The following GPD2 variants were observed in gnomAD, a reference collection of about 807,000 sequenced individuals.
GPD2 encodes the protein glycerol-3-phosphate dehydrogenase 2.
A neutral mutation model predicts 82.4 loss-of-function variants in GPD2; 54 were observed. The ratio of observed to expected loss-of-function variants is 0.66; its 90% confidence interval spans 0.53 to 0.82. The LOEUF is 0.82. Among genes scored for constraint, GPD2 ranks in the 40% least tolerant of loss-of-function variants. The probability of loss-of-function intolerance (pLI) is 0.00; values close to 1 mark genes in which losing one functional copy is unlikely to be tolerated. For missense variants in GPD2, 748 were observed against 896.2 expected (o/e 0.83, Z 2.11); for synonymous variants, 288 against 306.1 (o/e 0.94, Z 0.62).
At chr2:156,517,299 G>T (rs1157968361) in intron 6 of GPD2, among the ~76,000 whole-genome samples, 1 of 152,114 alleles carries the variant, frequency 6.6e-6, no homozygotes, top group East Asian at 1.9e-4. Flanking sequence ...ACTGTTCTGT[G>T]CATGACATAA....
upstream of GPD2, among the ~76,000 whole-genome samples, chr2:156,431,730 T>C (rs896604542): frequency 6.6e-6 from 1 of 152,224 alleles, no homozygotes; most frequent in South Asian, 2.1e-4. Context: ...GCTACTTAGA[T>C]ACTCATAAAA....
chr2:156,549,180 A>G (rs1686658917), intron 6 of GPD2, among the ~76,000 whole-genome samples: 1 of 152,224 alleles, frequency 6.6e-6, no homozygotes. Context: ...GCACATACAC[A>G]TAAAAATACT....
At chr2:156,527,891 T>C (rs1254543596) in intron 6 of GPD2, among the ~76,000 whole-genome samples, 1 of 152,124 alleles carries the variant, frequency 6.6e-6, no homozygotes, top group East Asian at 1.9e-4. Flanking sequence ...TGTGTTTTAT[T>C]TTCCTTAAGA....
At chr2:156,508,559 G>A (rs1684868575) in intron 3 of GPD2, among the ~76,000 whole-genome samples, 1 of 152,190 alleles carries the variant, frequency 6.6e-6, no homozygotes, top group African/African-American at 2.4e-5. Context: ...GCTGTGGGCT[G>A]TGGGGGAGGC....
chr2:156,525,096 T>C (rs780047922), intron 6 of GPD2, among the ~76,000 whole-genome samples: 2 of 152,228 alleles, frequency 1.3e-5, no homozygotes, highest in Non-Finnish European at 2.9e-5. Context: ...TTTCATTTAT[T>C]TGTACTCAAA....
the GPD2 span, among the ~76,000 whole-genome samples, chr2:156,408,519 A>T: frequency 6.6e-6 from 1 of 151,768 alleles, no homozygotes; most frequent in Non-Finnish European, 1.5e-5. Flanking sequence ...TGAGCCCAGG[A>T]GTTTGAGACC....
chr2:156,522,605 G>T (rs934436574), intron 6 of GPD2, among the ~76,000 whole-genome samples: 4 of 151,736 alleles, frequency 2.6e-5, no homozygotes, highest in Admixed American at 1.3e-4. Flanking sequence ...GTACATATAT[G>T]CCATATATTT....
chr2:156,480,073 T>C (rs969326438), intron 2 of GPD2, among the ~76,000 whole-genome samples: 1 of 152,216 alleles, frequency 6.6e-6, no homozygotes, highest in Non-Finnish European at 1.5e-5. Flanking sequence ...ACACTTTTAA[T>C]TGGATGAAAC....
intron 2 of GPD2, 136 bp downstream of exon 2, chr2:156,476,343 A>G: frequency 1.4e-6 from 1 of 689,800 alleles, no homozygotes; most frequent in South Asian, 1.5e-5. Context: ...AAAGATACTA[A>G]TTTAGAACAG....
At position 156,578,895 on chromosome 2, in the gene GPD2, C is replaced by G. The variant is rs893422383; in HGVS notation, c.1774C>G (p.Leu592Val). 6.9e-6 allele frequency: 11 copies of G among 1,583,814 alleles called. No homozygotes were observed. The highest frequency in any genetic ancestry group is 1.3e-5 in the African/African-American group (1 of 74,270). ...NWDDYKKQEQLETARKFLYYE... is the reference protein window; with the variant it reads ...NWDDYKKQEQVETARKFLYYE... ...GTGTGTATCTCTGTTTTAGGAACAA[C>G]TTGAAACAGCCAGGAAGTTTCTATA... The change falls in exon 14 of 17, where the codon CTT (leucine) becomes GTT (valine). Residue 592 changes from leucine (L) to valine (V), a missense_variant. Leu to Val is a conservative substitution (Grantham distance 32). Transcript: ENST00000438166.
At chr2:156,407,654 G>A in the GPD2 span, among the ~76,000 whole-genome samples, 4 of 152,322 alleles carry the variant, frequency 2.6e-5, no homozygotes, top group East Asian at 1.9e-4. Context: ...ACCTGAGCCA[G>A]TTCTTTGGCA....
intron 13 of GPD2, among the ~76,000 whole-genome samples, chr2:156,571,897 A>T (rs1013123739): frequency 1.3e-5 from 2 of 152,284 alleles, no homozygotes; most frequent in South Asian, 4.1e-4. Context: ...TTCATAAAAT[A>T]CTTTCTGTAT....
At chr2:156,478,554 C>T (rs1683602982) in intron 2 of GPD2, among the ~76,000 whole-genome samples, 1 of 152,008 alleles carries the variant, frequency 6.6e-6, no homozygotes. Context: ...AGGAAACAAC[C>T]TATTCCAGAC....
intron 6 of GPD2, among the ~76,000 whole-genome samples, chr2:156,548,517 G>A (rs941528122): frequency 5.3e-5 from 8 of 152,314 alleles, no homozygotes; most frequent in Admixed American, 5.2e-4. Context: ...GGGAGGGGCA[G>A]CAGAATCTTC....
At chr2:156,540,858 A>G (rs753878875) in intron 6 of GPD2, among the ~76,000 whole-genome samples, 16 of 152,258 alleles carry the variant, frequency 1.1e-4, no homozygotes, top group Non-Finnish European at 2.1e-4. Flanking sequence ...CATGCAGTGC[A>G]GAGATTAGAG....
intron 3 of GPD2, among the ~76,000 whole-genome samples, chr2:156,496,478 G>C (rs186400638): frequency 1.3e-5 from 2 of 152,000 alleles, no homozygotes; most frequent in Non-Finnish European, 2.9e-5. Flanking sequence ...TCTTGATGTG[G>C]ATAACACTTC....
intron 6 of GPD2, among the ~76,000 whole-genome samples, chr2:156,525,217 A>G (rs1301436848): frequency 1.3e-5 from 2 of 152,162 alleles, no homozygotes; most frequent in Non-Finnish European, 2.9e-5. Context: ...ATACATGTCA[A>G]TCCATCAGAA....
chr2:156,579,146 T>C lies in GPD2; in HGVS notation c.1941T>C (p.Asp647=). The part of the protein sequence containing the change: ...ADQKGFITIV[D]VQRVLESINV... ...AGAAAGGCTTTATTACCATTGTTGA[T>C]GTTCAGCGTGTATTAGAGGTAATTT... The change falls in exon 15 of 17, where the codon GAT becomes GAC. Residue 647 remains aspartate (D), a synonymous_variant. Transcript: ENST00000438166. The C allele has an allele frequency of 6.3e-7, 1 of 1,599,604 alleles. No homozygotes were observed.
the GPD2 span, among the ~76,000 whole-genome samples, chr2:156,424,243 T>A: frequency 6.6e-6 from 1 of 152,012 alleles, no homozygotes; most frequent in Admixed American, 6.6e-5. Flanking sequence ...GAATATGAGA[T>A]ATAACTAAAA....
Sources: allele counts gnomAD v4.1 joint callset (sites outside exome capture counted in the v4.1 genomes callset), GRCh38; gene constraint gnomAD v4.1.1; transcripts MANE v1.5; gene names NCBI Gene and HGNC (gene_info 2026-07-23, HGNC 2026-07-21).